SPATA16: variants seen among roughly 807,000 people sequenced by gnomAD.
The protein encoded by SPATA16 is spermatogenesis-associated protein 16.
SPATA16 carries 36 observed loss-of-function variants against 63.3 expected under a neutral mutation model. That is an observed-to-expected ratio of 0.57 (90% CI 0.44 to 0.75). The LOEUF (loss-of-function observed/expected upper bound fraction) is 0.75. Among genes scored for constraint, SPATA16 ranks in the 30% least tolerant of loss-of-function variants. The pLI is 0.00. For synonymous variants in SPATA16, 203 were observed against 216.7 expected, an observed-to-expected ratio of 0.94 and a Z score of 0.56; for missense variants, 646 against 679.3, an observed-to-expected ratio of 0.95 and a Z score of 0.54.
chr3:172,940,816 C>G (rs1733127395), intron 6 of SPATA16, among the ~76,000 whole-genome samples: 1 of 152,008 alleles, frequency 6.6e-6, no homozygotes, highest in African/African-American at 2.4e-5. Flanking sequence ...AACCTTGTCT[C>G]TACTAGCATA....
chr3:173,091,361 A>G (rs1306590723), intron 2 of SPATA16, among the ~76,000 whole-genome samples: 1 of 151,904 alleles, frequency 6.6e-6, no homozygotes, highest in Non-Finnish European at 1.5e-5. Context: ...TGCTGCAGTC[A>G]TTACTTGCTC....
chr3:173,135,927 C>T (rs912293380), intron 1 of SPATA16, among the ~76,000 whole-genome samples: 6 of 152,074 alleles, frequency 3.9e-5, no homozygotes, highest in Non-Finnish European at 7.4e-5. Context: ...TGTTATGCAT[C>T]GATAAAAAGT....
chr3:172,981,973 A>G (rs982840506), intron 4 of SPATA16, among the ~76,000 whole-genome samples: 1 of 152,132 alleles, frequency 6.6e-6, no homozygotes, highest in African/African-American at 2.4e-5. Flanking sequence ...AAAAATACTC[A>G]CTATCTGGCT....
chr3:172,970,218 C>T (rs1292117502), intron 5 of SPATA16, among the ~76,000 whole-genome samples: 2 of 152,120 alleles, frequency 1.3e-5, no homozygotes, highest in Non-Finnish European at 2.9e-5. Context: ...GCCTATTTTC[C>T]TTTGCTTCCT....
chr3:172,946,588 AGGGGGAGACTCCTTCTGTAT>A (rs1733294290), intron 6 of SPATA16, among the ~76,000 whole-genome samples: 2 of 152,104 alleles, frequency 1.3e-5, no homozygotes, highest in South Asian at 4.2e-4. Context: ...CAGTGGCCCC[AGGGGGAGACTCCTTCTGTAT>A]GAGCAAATGA....
intron 6 of SPATA16, among the ~76,000 whole-genome samples, chr3:172,931,520 T>C (rs1391374297): frequency 1.3e-5 from 2 of 152,192 alleles, no homozygotes; most frequent in Non-Finnish European, 2.9e-5. Flanking sequence ...ATCACTGGGA[T>C]TACAGGTGTG....
chr3:173,087,247 G>T lies in SPATA16; in HGVS notation c.612+29873C>A, dbSNP rs138920294. 8.3e-3 allele frequency among the ~76,000 whole-genome samples: 1,260 copies of T among 152,160 alleles called. 24 individuals carry two copies. The highest frequency in any genetic ancestry group is 0.029 in the African/African-American group (1,200 of 41,536). Reference sequence around the variant, plus strand: ...TATATATTTAGGATAGTTAGCTTTTGTTGTTGAATTGAGCCCATTACATTA... The same window carrying T: ...TATATATTTAGGATAGTTAGCTTTTTTTGTTGAATTGAGCCCATTACATTA... On this transcript the variant is annotated intron_variant, in intron 2 of 10. Transcript: ENST00000351008.
At chr3:173,139,159 T>A (rs1028677674) in intron 1 of SPATA16, among the ~76,000 whole-genome samples, 124 of 152,376 alleles carry the variant, frequency 8.1e-4, no homozygotes, top group African/African-American at 2.9e-3. Context: ...AACCGCTCAA[T>A]AAATGCTAAC....
At chr3:173,077,389 A>G (rs925644121) in intron 2 of SPATA16, among the ~76,000 whole-genome samples, 1 of 152,208 alleles carries the variant, frequency 6.6e-6, no homozygotes, top group Non-Finnish European at 1.5e-5. Context: ...AGCAATAATA[A>G]AGGGATCGGA....
intron 6 of SPATA16, among the ~76,000 whole-genome samples, chr3:172,944,756 A>G (rs1733240950): frequency 6.6e-6 from 1 of 152,236 alleles, no homozygotes; most frequent in Non-Finnish European, 1.5e-5. Flanking sequence ...CAAATACTAT[A>G]TGATTCCACT....
At chr3:173,093,144 C>T (rs1228929857) in intron 2 of SPATA16, among the ~76,000 whole-genome samples, 1 of 150,902 alleles carries the variant, frequency 6.6e-6, no homozygotes. Flanking sequence ...AAAGTCTATC[C>T]CCAATTCTAA....
chr3:173,020,341 G>A (rs146262693), intron 3 of SPATA16, among the ~76,000 whole-genome samples: 1,600 of 151,964 alleles, frequency 0.011, 37 homozygotes, highest in African/African-American at 0.036. Flanking sequence ...ATGTTCATTT[G>A]AATTCCATAA....
intron 10 of SPATA16, among the ~76,000 whole-genome samples, chr3:172,898,516 T>C (rs1486927447): frequency 6.6e-6 from 1 of 152,020 alleles, no homozygotes; most frequent in African/African-American, 2.4e-5. Flanking sequence ...TGTTCTAAGA[T>C]TCTCTTATTA....
intron 2 of SPATA16, among the ~76,000 whole-genome samples, chr3:173,102,730 C>T (rs914091231): frequency 1.3e-5 from 2 of 152,112 alleles, no homozygotes; most frequent in African/African-American, 4.8e-5. Context: ...CCACCTCTGC[C>T]CCCACAAATC....
chr3:173,022,515 G>A (rs1020939603), intron 3 of SPATA16, among the ~76,000 whole-genome samples: 4 of 152,174 alleles, frequency 2.6e-5, no homozygotes, highest in Admixed American at 6.6e-5. Flanking sequence ...ATTTGGCAAG[G>A]AAATGCTAGT....
intron 4 of SPATA16, among the ~76,000 whole-genome samples, chr3:173,015,343 C>T (rs1045826530): frequency 6.6e-6 from 1 of 152,172 alleles, no homozygotes; most frequent in Non-Finnish European, 1.5e-5. Context: ...GGATTACAGG[C>T]GTGAGCCACT....
chr3:172,919,001 G>A (rs544511066), intron 8 of SPATA16, among the ~76,000 whole-genome samples: 1 of 152,304 alleles, frequency 6.6e-6, no homozygotes, highest in South Asian at 2.1e-4. Context: ...CAAAAAAGGG[G>A]TAGGAAACAC....
At chr3:172,908,561 C>T (rs1301596445) in intron 10 of SPATA16, among the ~76,000 whole-genome samples, 1 of 152,210 alleles carries the variant, frequency 6.6e-6, no homozygotes, top group Non-Finnish European at 1.5e-5. Flanking sequence ...GACAGGAGGT[C>T]AGCTTTCATG....
intron 6 of SPATA16, among the ~76,000 whole-genome samples, chr3:172,936,626 G>C (rs1733000715): frequency 6.6e-6 from 1 of 152,166 alleles, no homozygotes; most frequent in Non-Finnish European, 1.5e-5. Flanking sequence ...CTGAGAAGGG[G>C]ATTATGGGAA....
Sources: gnomAD v4.1 joint callset for allele counts (sites outside exome capture counted in the v4.1 genomes callset) on GRCh38, gnomAD v4.1.1 for gene constraint, MANE v1.5 for transcripts, NCBI Gene and HGNC (gene_info 2026-07-23, HGNC 2026-07-21) for gene names.